The following COBL variants were observed in gnomAD, a reference collection of about 807,000 sequenced individuals.
COBL encodes protein cordon-bleu.
In COBL, 51 loss-of-function variants were observed where a neutral mutation model predicts 98.8. That is an observed-to-expected ratio of 0.52 (90% confidence interval 0.41 to 0.65). COBL has a LOEUF of 0.65. Ranked by LOEUF, COBL falls within the 30% of genes least tolerant of loss-of-function variation. The pLI is 0.00. For missense variants in COBL, 1,617 were observed against 1,617.5 expected, an observed-to-expected ratio of 1.00 and a Z score of 0.01; for synonymous variants, 634 against 651.7, an observed-to-expected ratio of 0.97 and a Z score of 0.41.
At chr7:51,270,427 G>A (rs1430053864) in intron 1 of COBL, among the ~76,000 whole-genome samples, 3 of 152,324 alleles carry the variant, frequency 2.0e-5, no homozygotes, top group South Asian at 4.1e-4. Context: ...CTACGTGCCA[G>A]GCACTGTTCT....
intron 1 of COBL, among the ~76,000 whole-genome samples, chr7:51,291,064 G>A (rs1018588157): frequency 3.9e-5 from 6 of 152,188 alleles, no homozygotes; most frequent in Non-Finnish European, 8.8e-5. Flanking sequence ...ACAGATGAAC[G>A]GCTAGCTGCA....
chr7:51,170,169 T>C (rs1787712435), intron 5 of COBL, among the ~76,000 whole-genome samples: 1 of 152,026 alleles, frequency 6.6e-6, no homozygotes, highest in Non-Finnish European at 1.5e-5. Context: ...TTTTTCCTAC[T>C]GTATACAATG....
intron 4 of COBL, chr7:51,187,936 G>A (rs1186618356): frequency 1.9e-5 from 23 of 1,232,338 alleles, no homozygotes; most frequent in South Asian, 4.1e-5. Context: ...GGGAAGGCTC[G>A]GACTGAGTTT....
chr7:51,218,144 T>C (rs1385016405), intron 2 of COBL, among the ~76,000 whole-genome samples: 2 of 152,232 alleles, frequency 1.3e-5, no homozygotes, highest in Non-Finnish European at 1.5e-5. Context: ...GTTCCAATCC[T>C]AGGTATATTC....
At chr7:51,154,326 G>A (rs1036637568) in intron 5 of COBL, among the ~76,000 whole-genome samples, 5 of 152,326 alleles carry the variant, frequency 3.3e-5, no homozygotes, top group African/African-American at 4.8e-5. Flanking sequence ...TGCTATGAGC[G>A]CAAACTGAAG....
At chr7:51,160,158 C>T (rs1178500733) in intron 5 of COBL, among the ~76,000 whole-genome samples, 2 of 152,166 alleles carry the variant, frequency 1.3e-5, no homozygotes, top group African/African-American at 4.8e-5. Context: ...TCCCAAAGTG[C>T]TGGGATTACA....
At chr7:51,043,827 A>G in intron 7 of COBL, 135 bp from the exon 8 acceptor site, 1 of 670,340 alleles carries the variant, frequency 1.5e-6, no homozygotes, top group East Asian at 2.7e-5. Context: ...GAAGAACCTC[A>G]TTCAAATACT....
chr7:51,246,722 T>C (rs1796298664), intron 1 of COBL, among the ~76,000 whole-genome samples: 1 of 152,258 alleles, frequency 6.6e-6, no homozygotes, highest in Non-Finnish European at 1.5e-5. Context: ...CATGATGTCC[T>C]TGATTTGTAG....
intron 5 of COBL, chr7:51,156,253 C>T (rs1430671199): frequency 3.0e-6 from 3 of 984,852 alleles, no homozygotes; most frequent in Middle Eastern, 5.2e-4. Flanking sequence ...CCTTTCTTAC[C>T]CTTTTATTTT....
chr7:51,244,892 G>C (rs1796151869), intron 1 of COBL, among the ~76,000 whole-genome samples: 1 of 152,194 alleles, frequency 6.6e-6, no homozygotes. Flanking sequence ...CGCAGTTCCA[G>C]AAAAGGGCTA....
chr7:51,040,874 G>T (rs1789114666), intron 8 of COBL, among the ~76,000 whole-genome samples: 1 of 152,200 alleles, frequency 6.6e-6, no homozygotes, highest in Admixed American at 6.5e-5. Flanking sequence ...AAATCAGCAA[G>T]ATTTTACATC....
chr7:51,263,134 C>T (rs1797867360), intron 1 of COBL, among the ~76,000 whole-genome samples: 1 of 152,170 alleles, frequency 6.6e-6, no homozygotes, highest in African/African-American at 2.4e-5. Flanking sequence ...TTCCCCCCAG[C>T]TCACCGGAAG....
intron 2 of COBL, among the ~76,000 whole-genome samples, chr7:51,205,160 A>G (rs950514566): frequency 6.6e-6 from 1 of 152,244 alleles, no homozygotes; most frequent in Non-Finnish European, 1.5e-5. Flanking sequence ...CAGAGAAGAA[A>G]CAATGCAAAA....
At chr7:51,162,923 A>G (rs1786964249) in intron 5 of COBL, among the ~76,000 whole-genome samples, 1 of 152,256 alleles carries the variant, frequency 6.6e-6, no homozygotes, top group African/African-American at 2.4e-5. Flanking sequence ...GGGAGCACCA[A>G]TAAAGCCAAT....
At chr7:51,222,360 G>A (rs1451043072) in intron 1 of COBL, among the ~76,000 whole-genome samples, 1 of 151,964 alleles carries the variant, frequency 6.6e-6, no homozygotes, top group Non-Finnish European at 1.5e-5. Flanking sequence ...AAATAAAATA[G>A]TCAACATATA....
chr7:51,268,945 A>AAC (rs1554452927), intron 1 of COBL, among the ~76,000 whole-genome samples: 1 of 151,522 alleles, frequency 6.6e-6, no homozygotes, highest in East Asian at 1.9e-4. Flanking sequence ...AAAAAAAAAA[A>AAC]AAAAAAAAAT....
chr7:51,140,359 A>C (rs1000455698), intron 5 of COBL, among the ~76,000 whole-genome samples: 1 of 152,124 alleles, frequency 6.6e-6, no homozygotes, highest in Non-Finnish European at 1.5e-5. Flanking sequence ...ATTCAGTGTA[A>C]AACATCAGTG....
At chr7:51,090,144 A>G (rs757747936) in intron 6 of COBL, among the ~76,000 whole-genome samples, 3 of 152,216 alleles carry the variant, frequency 2.0e-5, no homozygotes, top group Non-Finnish European at 2.9e-5. Flanking sequence ...ACAAGATCCT[A>G]AAATTGCTAT....
chr7:51,220,745 G>A (rs1399805709), intron 1 of COBL, among the ~76,000 whole-genome samples: 1 of 152,066 alleles, frequency 6.6e-6, no homozygotes, highest in Non-Finnish European at 1.5e-5. Flanking sequence ...CCCAGGTAGT[G>A]AGCACAGTAC....
Sources: allele counts gnomAD v4.1 joint callset (sites outside exome capture counted in the v4.1 genomes callset), GRCh38; gene constraint gnomAD v4.1.1; transcripts MANE v1.5; gene names NCBI Gene and HGNC (gene_info 2026-07-23, HGNC 2026-07-21).